The following HHAT variants were observed in gnomAD, a reference collection of about 807,000 sequenced individuals.
HHAT encodes the protein hedgehog acyltransferase.
In HHAT, 47 loss-of-function variants were observed where a neutral mutation model predicts 70.8. That is an observed-to-expected ratio of 0.66 (90% CI 0.53 to 0.85). The LOEUF is 0.85. HHAT is among the 40% of genes least tolerant of loss of function. The probability of loss-of-function intolerance (pLI) is 0.00; values close to 1 mark genes in which losing one functional copy is unlikely to be tolerated. For synonymous variants in HHAT, 228 were observed against 247.6 expected (o/e 0.92, Z 0.74); for missense variants, 609 against 604.8 (o/e 1.01, Z -0.07).
intron 9 of HHAT, among the ~76,000 whole-genome samples, chr1:210,517,615 A>G (rs1234525668): frequency 6.6e-6 from 1 of 152,228 alleles, no homozygotes; most frequent in Non-Finnish European, 1.5e-5. Flanking sequence ...AGGAAGTTCA[A>G]GAGCTCTATT....
chr1:210,526,814 TATTTAA>T (rs1300139314), intron 9 of HHAT, among the ~76,000 whole-genome samples: 2 of 152,330 alleles, frequency 1.3e-5, no homozygotes, highest in African/African-American at 4.8e-5. Context: ...CACTCATGGC[TATTTAA>T]ATTTAAACTA....
intron 7 of HHAT, among the ~76,000 whole-genome samples, chr1:210,419,650 C>G (rs764264657): frequency 6.6e-6 from 1 of 152,126 alleles, no homozygotes; most frequent in Admixed American, 6.6e-5. Context: ...CTTGATTGTT[C>G]TTGGTATCAC....
Position 210,588,062 on chromosome 1 carries a change from G to T in HHAT, c.1208G>T (p.Arg403Leu). 1 of 1,611,434 alleles carries T rather than the reference G, an allele frequency of 6.2e-7. No homozygotes were observed. The highest frequency in any genetic ancestry group is 8.5e-7 in the Non-Finnish European group (1 of 1,179,198). The change falls in exon 10 of 12, where the codon CGG (arginine) becomes CTG (leucine). Residue 403 changes from arginine to leucine, a missense_variant. Arg to Leu is a moderately radical substitution (Grantham distance 102). Coordinates refer to ENST00000261458, the MANE Select transcript of HHAT (RefSeq NM_018194.6). ...GGAGTCACTGTGGAGAATGGAGTCC[G>T]GAGGCTGGTGGAGACTCCCTGCATC... ...WLGVTVENGV[R>L]RLVETPCIQD...
intron 11 of HHAT, among the ~76,000 whole-genome samples, chr1:210,637,215 C>T (rs893929613): frequency 6.6e-5 from 10 of 152,140 alleles, no homozygotes; most frequent in African/African-American, 2.4e-4. Context: ...TGGATATGTA[C>T]ATGCAAAAGA....
At chr1:210,518,395 C>T (rs10779532) in intron 9 of HHAT, among the ~76,000 whole-genome samples, 145,423 of 152,328 alleles carry the variant, frequency 0.95, 69,684 homozygotes, top group Non-Finnish European at 1. Context: ...GATCAATCCA[C>T]GTTGTCACAA....
intron 8 of HHAT, among the ~76,000 whole-genome samples, chr1:210,474,162 A>AC (rs949910629): frequency 8.5e-5 from 13 of 152,158 alleles, no homozygotes; most frequent in African/African-American, 2.9e-4. Context: ...TAGAAAGACC[A>AC]CCCCCCATAG....
At chr1:210,659,479 C>T (rs1302494189) in intron 11 of HHAT, among the ~76,000 whole-genome samples, 3 of 151,436 alleles carry the variant, frequency 2.0e-5, no homozygotes, top group Non-Finnish European at 4.4e-5. Context: ...CAGACAGATT[C>T]ACCAGAGGTA....
intron 10 of HHAT, among the ~76,000 whole-genome samples, chr1:210,612,255 A>G (rs995046494): frequency 2.6e-5 from 4 of 152,198 alleles, no homozygotes; most frequent in African/African-American, 7.2e-5. Flanking sequence ...TTTTACAACC[A>G]TCACCACCCT....
At chr1:210,535,077 G>A (rs528592173) in intron 9 of HHAT, among the ~76,000 whole-genome samples, 1 of 152,126 alleles carries the variant, frequency 6.6e-6, no homozygotes, top group Non-Finnish European at 1.5e-5. Flanking sequence ...TTGTAGAATT[G>A]TTTAGCTATG....
intron 1 of HHAT, among the ~76,000 whole-genome samples, chr1:210,336,310 T>A (rs1196481146): frequency 1.5e-5 from 2 of 134,336 alleles, no homozygotes; most frequent in South Asian, 2.5e-4. Flanking sequence ...TTTTTTTTTT[T>A]AGAGACAGGG....
chr1:210,528,257 T>G (rs1369997775), intron 9 of HHAT, among the ~76,000 whole-genome samples: 1 of 152,100 alleles, frequency 6.6e-6, no homozygotes, highest in Non-Finnish European at 1.5e-5. Flanking sequence ...CCCAAGATCT[T>G]TGGGGTGGAA....
intron 11 of HHAT, among the ~76,000 whole-genome samples, chr1:210,660,257 C>G (rs939412378): frequency 6.6e-6 from 1 of 152,110 alleles, no homozygotes; most frequent in Non-Finnish European, 1.5e-5. Context: ...CACAGCATTC[C>G]TATACACCAA....
intron 11 of HHAT, among the ~76,000 whole-genome samples, chr1:210,673,374 G>A (rs1329496091): frequency 1.3e-5 from 2 of 151,746 alleles, no homozygotes; most frequent in African/African-American, 4.8e-5. Context: ...AACACACAAC[G>A]GTGATGATGA....
At chr1:210,584,723 G>A (rs1660050543) in intron 9 of HHAT, among the ~76,000 whole-genome samples, 1 of 152,078 alleles carries the variant, frequency 6.6e-6, no homozygotes, top group Non-Finnish European at 1.5e-5. Flanking sequence ...AGCCTCCTTT[G>A]CCCCACTGTC....
intron 11 of HHAT, among the ~76,000 whole-genome samples, chr1:210,642,231 A>G (rs981804829): frequency 6.6e-6 from 1 of 152,234 alleles, no homozygotes; most frequent in Non-Finnish European, 1.5e-5. Context: ...ATGTATAGCA[A>G]TAGTTCATTC....
At chr1:210,396,574 C>G (rs1368946291) in intron 4 of HHAT, among the ~76,000 whole-genome samples, 1 of 152,196 alleles carries the variant, frequency 6.6e-6, no homozygotes, top group Non-Finnish European at 1.5e-5. Flanking sequence ...TGCACCCCAG[C>G]AAGTGTGATC....
chr1:210,434,581 C>T (rs2093331722), intron 7 of HHAT, among the ~76,000 whole-genome samples: 1 of 151,806 alleles, frequency 6.6e-6, no homozygotes, highest in South Asian at 2.1e-4. Context: ...AAAATACACA[C>T]ATCTCTTTCC....
At chr1:210,392,249 C>T (rs1002913754) in intron 4 of HHAT, among the ~76,000 whole-genome samples, 4 of 152,078 alleles carry the variant, frequency 2.6e-5, no homozygotes, top group African/African-American at 9.7e-5. Flanking sequence ...GCCCTGGGGA[C>T]ACTGTGTTTT....
chr1:210,634,833 T>C (rs12138848), intron 11 of HHAT, among the ~76,000 whole-genome samples: 6,291 of 152,268 alleles, frequency 0.041, 219 homozygotes, highest in Non-Finnish European at 0.069. Flanking sequence ...AGGGCTTTAC[T>C]AAGAAAAGCA....
Sources: allele counts gnomAD v4.1 joint callset (sites outside exome capture counted in the v4.1 genomes callset), GRCh38; gene constraint gnomAD v4.1.1; transcripts MANE v1.5; gene names NCBI Gene and HGNC (gene_info 2026-07-23, HGNC 2026-07-21).